The following NXPE2 variants were observed in gnomAD, a reference collection of about 807,000 sequenced individuals.
NXPE2 encodes the protein NXPE family member 2.
Under a neutral mutation model 34.4 loss-of-function variants are expected in NXPE2, and 34 were observed. The observed-to-expected ratio is 0.99, with a 90% confidence interval of 0.75 to 1.31. The LOEUF (loss-of-function observed/expected upper bound fraction) is 1.31, where lower values mean the gene tolerates loss of function less well. NXPE2 is among the 40% of genes most tolerant of loss of function. NXPE2 has a pLI of 0.00. For missense variants in NXPE2, 649 were observed against 672.5 expected (o/e 0.97, Z 0.39); for synonymous variants, 235 against 231.3 (o/e 1.02, Z -0.15).
chr11:114,516,173 G>A, the NXPE2 span, among the ~76,000 whole-genome samples: 3 of 152,172 alleles, frequency 2.0e-5, no homozygotes, highest in African/African-American at 7.2e-5. Context: ...GGGTGGGGGT[G>A]TGCTGTTGCT....
At chr11:114,571,972 C>A in the NXPE2 span, among the ~76,000 whole-genome samples, 1 of 152,192 alleles carries the variant, frequency 6.6e-6, no homozygotes, top group African/African-American at 2.4e-5. Flanking sequence ...AACAAAAACA[C>A]AACCAAAGAC....
the NXPE2 span, among the ~76,000 whole-genome samples, chr11:114,723,055 G>A: frequency 1.3e-5 from 2 of 152,106 alleles, no homozygotes; most frequent in African/African-American, 4.8e-5. Context: ...ATTGTGCATG[G>A]TTACATACAT....
chr11:114,630,374 C>G, the NXPE2 span, among the ~76,000 whole-genome samples: 1 of 151,762 alleles, frequency 6.6e-6, no homozygotes, highest in African/African-American at 2.4e-5. Flanking sequence ...CACCACATTT[C>G]TACAACTATC....
At chr11:114,629,242 C>G in the NXPE2 span, among the ~76,000 whole-genome samples, 6 of 152,056 alleles carry the variant, frequency 3.9e-5, no homozygotes, top group Admixed American at 3.3e-4. Flanking sequence ...GACCAATATC[C>G]TTGATGAACA....
chr11:114,655,978 A>G, the NXPE2 span, among the ~76,000 whole-genome samples: 2 of 152,176 alleles, frequency 1.3e-5, no homozygotes, highest in African/African-American at 4.8e-5. Context: ...GGAAGAGAGG[A>G]AGTCAAATTG....
At chr11:114,475,274 C>T in the NXPE2 span, among the ~76,000 whole-genome samples, 78 of 111,616 alleles carry the variant, frequency 7.0e-4, no homozygotes, top group African/African-American at 2.5e-3. Context: ...GATGGAGTCT[C>T]GCTCTGTCGC....
the NXPE2 span, among the ~76,000 whole-genome samples, chr11:114,806,549 G>A: frequency 6.6e-6 from 1 of 152,236 alleles, no homozygotes; most frequent in East Asian, 1.9e-4. Context: ...CATGACGAAT[G>A]CAGAAGCCTC....
At chr11:114,689,366 G>A (rs1951108479) in intron 2 of NXPE2, among the ~76,000 whole-genome samples, 1 of 151,802 alleles carries the variant, frequency 6.6e-6, no homozygotes, top group South Asian at 2.1e-4. Context: ...GGAGAAAGTT[G>A]TTTAGTTTCC....
chr11:114,771,768 T>A, the NXPE2 span, among the ~76,000 whole-genome samples: 1 of 152,256 alleles, frequency 6.6e-6, no homozygotes, highest in South Asian at 2.1e-4. Flanking sequence ...TCTCTTTCCA[T>A]TGTGGCCTTA....
the NXPE2 span, among the ~76,000 whole-genome samples, chr11:114,661,095 G>A: frequency 1.3e-5 from 2 of 152,104 alleles, no homozygotes; most frequent in Non-Finnish European, 2.9e-5. Flanking sequence ...AAACCATGAT[G>A]AAAGAAATCA....
chr11:114,615,758 T>C, the NXPE2 span, among the ~76,000 whole-genome samples: 1 of 151,722 alleles, frequency 6.6e-6, no homozygotes, highest in East Asian at 1.9e-4. Flanking sequence ...CAGTGGATAA[T>C]AAGTACTGCC....
chr11:114,530,132 T>C, the NXPE2 span: 2 of 1,539,942 alleles, frequency 1.3e-6, no homozygotes, highest in South Asian at 1.3e-5. Context: ...ACTGGGGCAC[T>C]TCTCAGGGGA....
chr11:114,584,418 G>C, the NXPE2 span: 1 of 259,314 alleles, frequency 3.9e-6, no homozygotes, highest in Non-Finnish European at 7.9e-6. Flanking sequence ...TGAGGATGCT[G>C]TCCCTCAAGA....
At chr11:114,708,629 CAA>C (rs527711557), downstream of NXPE2, among the ~76,000 whole-genome samples, 1 of 117,040 alleles carries the variant, frequency 8.5e-6, no homozygotes, top group Non-Finnish European at 1.8e-5. Context: ...GACTCCATCT[CAA>C]AAAAAAAAAG....
intron 2 of NXPE2, among the ~76,000 whole-genome samples, chr11:114,683,222 G>A (rs1397207181): frequency 6.6e-6 from 1 of 151,720 alleles, no homozygotes; most frequent in Admixed American, 6.6e-5. Context: ...TGGACTTTCT[G>A]GTTTGTTCTG....
the NXPE2 span, among the ~76,000 whole-genome samples, chr11:114,653,533 C>CTTTTT: frequency 9.7e-6 from 1 of 103,512 alleles, no homozygotes; most frequent in Non-Finnish European, 2.0e-5. Flanking sequence ...CCTGCTTTCC[C>CTTTTT]TTTTTTTTTT....
chr11:114,741,958 A>G, the NXPE2 span, among the ~76,000 whole-genome samples: 1 of 152,130 alleles, frequency 6.6e-6, no homozygotes, highest in South Asian at 2.1e-4. Flanking sequence ...GGCTTTGGAA[A>G]AGAAAGACCT....
the NXPE2 span, among the ~76,000 whole-genome samples, chr11:114,663,058 C>A: frequency 1.8e-4 from 28 of 152,282 alleles, no homozygotes; most frequent in East Asian, 5.0e-3. Flanking sequence ...CTGCACCAGA[C>A]AGGAGCCCAT....
At chr11:114,494,082 C>T in the NXPE2 span, among the ~76,000 whole-genome samples, 7 of 152,096 alleles carry the variant, frequency 4.6e-5, no homozygotes, top group Non-Finnish European at 7.4e-5. Context: ...ATTAGAGCTC[C>T]ATAATATGTT....
Sources: allele counts gnomAD v4.1 joint callset (sites outside exome capture counted in the v4.1 genomes callset), GRCh38; gene constraint gnomAD v4.1.1; transcripts MANE v1.5; gene names NCBI Gene and HGNC (gene_info 2026-07-23, HGNC 2026-07-21).